The following KIFAP3 variants were observed in gnomAD, a reference collection of about 807,000 sequenced individuals.
The protein encoded by KIFAP3 is kinesin-associated protein 3.
A neutral mutation model predicts 106.5 loss-of-function variants in KIFAP3; 68 were observed. That is an observed-to-expected ratio of 0.64 (90% confidence interval 0.53 to 0.78). The LOEUF (loss-of-function observed/expected upper bound fraction) is 0.78, where lower values mean the gene tolerates loss of function less well. KIFAP3 is among the 30% of genes least tolerant of loss of function. The pLI is 0.00. For synonymous variants in KIFAP3, 320 were observed against 311.5 expected, an observed-to-expected ratio of 1.03 and a Z score of -0.29; for missense variants, 780 against 941.8, an observed-to-expected ratio of 0.83 and a Z score of 2.25.
chr1:170,062,342 T>C (rs757521036), intron 1 of KIFAP3, among the ~76,000 whole-genome samples: 5 of 151,970 alleles, frequency 3.3e-5, no homozygotes, highest in Non-Finnish European at 7.4e-5. Context: ...CTATTAACAC[T>C]GCTTTTCATT....
intron 1 of KIFAP3, among the ~76,000 whole-genome samples, chr1:170,055,933 A>C (rs1412797249): frequency 1.3e-5 from 2 of 152,074 alleles, no homozygotes; most frequent in Non-Finnish European, 2.9e-5. Flanking sequence ...GAAGTTTGAG[A>C]CCAGCCCAGG....
intron 17 of KIFAP3, among the ~76,000 whole-genome samples, chr1:169,970,876 A>G (rs1444131907): frequency 6.6e-6 from 1 of 152,066 alleles, no homozygotes; most frequent in East Asian, 1.9e-4. Context: ...TGAAGGAAGT[A>G]AAATATAGAC....
intron 19 of KIFAP3, among the ~76,000 whole-genome samples, chr1:169,926,025 C>T (rs1034334553): frequency 1.3e-5 from 2 of 151,988 alleles, no homozygotes; most frequent in African/African-American, 4.8e-5. Context: ...TTTTCAAAGG[C>T]TCATGGAAGT....
intron 19 of KIFAP3, among the ~76,000 whole-genome samples, chr1:169,939,927 T>C (rs574753569): frequency 6.6e-6 from 1 of 152,250 alleles, no homozygotes; most frequent in East Asian, 1.9e-4. Context: ...TTTTGAGAAG[T>C]TTTGGATAAA....
intron 19 of KIFAP3, among the ~76,000 whole-genome samples, chr1:169,948,553 T>A (rs1664565591): frequency 6.6e-6 from 1 of 152,016 alleles, no homozygotes; most frequent in Non-Finnish European, 1.5e-5. Context: ...TGTCAATGTC[T>A]ATCAAAGAAA....
intron 1 of KIFAP3, among the ~76,000 whole-genome samples, chr1:170,058,834 T>C (rs182943748): frequency 6.6e-6 from 1 of 152,206 alleles, no homozygotes; most frequent in Admixed American, 6.6e-5. Context: ...TACTCAAAGG[T>C]GCTCTTCAGT....
At chr1:169,995,327 T>C (rs1267805401) in intron 10 of KIFAP3, among the ~76,000 whole-genome samples, 3 of 152,086 alleles carry the variant, frequency 2.0e-5, no homozygotes, top group Non-Finnish European at 4.4e-5. Context: ...ACATTATTTT[T>C]TTTCCCCCGG....
chr1:170,055,388 G>A lies in KIFAP3; in HGVS notation c.81C>T (p.Leu27=), dbSNP rs1196096340. Residue 27 remains leucine, a synonymous_variant, in exon 2 of 20, where the codon CTC becomes CTT. Transcript: ENST00000361580. ...TAGCTTCCACTTCATAGTGAACAAT[G>A]AGTGCTTTTTCTGATGGATGTACAT... The part of the protein sequence containing the change: ...NIDVHPSEKA[L]IVHYEVEATI... 25 of 1,609,078 alleles carry A rather than the reference G, an allele frequency of 1.6e-5. No homozygotes were observed. Among genetic ancestry groups the A allele is most frequent in the Non-Finnish European group, 2.1e-5 (25 of 1,177,132 alleles).
chr1:170,046,654 GAACTATAATCAAAC>G, intron 3 of KIFAP3, 44 bp downstream of exon 3: 1 of 1,302,600 alleles, frequency 7.7e-7, no homozygotes, highest in Non-Finnish European at 1.0e-6. Flanking sequence ...GTTGCTTGAT[GAACTATAATCAAAC>G]AACTTTGGAT....
chr1:170,083,665 CTTAG>C (rs1223764192), intron 1 of KIFAP3, among the ~76,000 whole-genome samples: 2 of 152,148 alleles, frequency 1.3e-5, no homozygotes, highest in South Asian at 2.1e-4. Context: ...TGTTTGCAAA[CTTAG>C]TTAATTTATT....
chr1:169,994,749 A>G (rs1667290851), intron 10 of KIFAP3, among the ~76,000 whole-genome samples: 1 of 151,982 alleles, frequency 6.6e-6, no homozygotes, highest in Admixed American at 6.6e-5. Flanking sequence ...TATTTATAGA[A>G]AAATTAAATT....
chr1:170,046,947 A>G (rs1222101342), intron 2 of KIFAP3, 81 bp from the exon 3 acceptor site: 2 of 696,956 alleles, frequency 2.9e-6, no homozygotes, highest in Non-Finnish European at 4.1e-6. Flanking sequence ...TAATTTATAG[A>G]TTATAAATTA....
At chr1:170,045,627 G>A (rs1670205702) in intron 3 of KIFAP3, among the ~76,000 whole-genome samples, 1 of 152,110 alleles carries the variant, frequency 6.6e-6, no homozygotes, top group Admixed American at 6.6e-5. Flanking sequence ...CCTGTTACTA[G>A]ATTCTAGTCT....
intron 8 of KIFAP3, among the ~76,000 whole-genome samples, chr1:170,030,920 T>A (rs1406319943): frequency 6.6e-6 from 1 of 151,782 alleles, no homozygotes; most frequent in Non-Finnish European, 1.5e-5. Context: ...ATTTATCAAA[T>A]TATATACTTT....
Position 170,006,492 on chromosome 1 carries a change from G to T in KIFAP3, c.1183+9970C>A, listed in dbSNP as rs141291692. ...GATAGGGGAGGTGGGTGGTGCACAGGTAGTAAACAAGATGATTACATGGAA... is the reference window on the plus strand; with the variant it reads ...GATAGGGGAGGTGGGTGGTGCACAGTTAGTAAACAAGATGATTACATGGAA... On this transcript the variant is annotated intron_variant, in intron 10 of 19. Transcript: ENST00000361580. Among the ~76,000 whole-genome samples, 674 of 152,196 alleles carry T rather than the reference G, an allele frequency of 4.4e-3. 1 individual carries two copies. Among genetic ancestry groups the T allele is most frequent in the Non-Finnish European group, 7.6e-3 (514 of 68,012 alleles).
intron 1 of KIFAP3, among the ~76,000 whole-genome samples, chr1:170,081,740 G>C (rs2102194954): frequency 6.6e-6 from 1 of 152,284 alleles, no homozygotes; most frequent in South Asian, 2.1e-4. Context: ...GATAATTCAG[G>C]ATAATCTCCC....
At position 169,987,239 on chromosome 1, in the gene KIFAP3, T is replaced by C. The variant is rs188390600; in HGVS notation, c.1285-2549A>G. Among the ~76,000 whole-genome samples the C allele has an allele frequency of 3.4e-3, 514 of 152,178 alleles. 1 individual carries two copies. Among genetic ancestry groups the C allele is most frequent in the Admixed American group, 8.7e-3 (133 of 15,236 alleles). ...ATTTGTTCTGTTTTAACTATGTCCA[T>C]TGTCATCTTTTACTAATTTACCAGA... On this transcript the variant is annotated intron_variant, in intron 11 of 19. Transcript: ENST00000361580.
intron 19 of KIFAP3, among the ~76,000 whole-genome samples, chr1:169,928,161 G>A (rs1407296634): frequency 1.3e-5 from 2 of 151,412 alleles, no homozygotes; most frequent in South Asian, 2.1e-4. Flanking sequence ...GTGCAGTGGC[G>A]TGATCTTGGC....
At chr1:170,079,252 G>C (rs189622192), upstream of KIFAP3, among the ~76,000 whole-genome samples, 24 of 152,228 alleles carry the variant, frequency 1.6e-4, no homozygotes, top group East Asian at 4.4e-3. Context: ...CTTGCCATGT[G>C]ATCACTGCAC....
Sources: allele counts gnomAD v4.1 joint callset (sites outside exome capture counted in the v4.1 genomes callset), GRCh38; gene constraint gnomAD v4.1.1; transcripts MANE v1.5; gene names NCBI Gene and HGNC (gene_info 2026-07-23, HGNC 2026-07-21).